Variants in ARB2A observed in about 807,000 individuals in gnomAD.
ARB2A encodes the protein ARB2 cotranscriptional regulator A, also known as cotranscriptional regulator ARB2A.
the ARB2A span, among the ~76,000 whole-genome samples, chr5:94,070,988 C>T: frequency 6.6e-6 from 1 of 151,988 alleles, no homozygotes; most frequent in Non-Finnish European, 1.5e-5. Flanking sequence ...TGTTCTAGTT[C>T]TTACAAAGTT....
the ARB2A span, among the ~76,000 whole-genome samples, chr5:93,895,104 G>A: frequency 2.6e-5 from 4 of 152,174 alleles, no homozygotes. Context: ...ACAAAGGGCT[G>A]CTGTATCAAA....
At chr5:93,951,396 C>G in the ARB2A span, among the ~76,000 whole-genome samples, 1 of 152,148 alleles carries the variant, frequency 6.6e-6, no homozygotes, top group African/African-American at 2.4e-5. Flanking sequence ...ATCAAGAAAT[C>G]TTTTCCCAGT....
the ARB2A span, chr5:93,620,127 T>C: frequency 6.6e-6 from 1 of 152,118 alleles, no homozygotes; most frequent in Non-Finnish European, 1.5e-5. Flanking sequence ...ACAGTACACA[T>C]TATGTGTTTA....
chr5:93,811,348 T>A, the ARB2A span, among the ~76,000 whole-genome samples: 1 of 152,196 alleles, frequency 6.6e-6, no homozygotes, highest in Non-Finnish European at 1.5e-5. Flanking sequence ...GGAGACTGTC[T>A]AATTTTACAT....
the ARB2A span, among the ~76,000 whole-genome samples, chr5:93,708,773 C>T: frequency 6.6e-6 from 1 of 152,164 alleles, no homozygotes; most frequent in African/African-American, 2.4e-5. Context: ...CAAGTCCTGT[C>T]TTCCATAAAC....
the ARB2A span, among the ~76,000 whole-genome samples, chr5:93,755,211 T>C: frequency 1.1e-4 from 17 of 152,158 alleles, no homozygotes; most frequent in African/African-American, 4.1e-4. Flanking sequence ...GAGGCAGATA[T>C]TTACTGTTGC....
At chr5:93,667,680 A>T in the ARB2A span, among the ~76,000 whole-genome samples, 1 of 152,066 alleles carries the variant, frequency 6.6e-6, no homozygotes, top group Non-Finnish European at 1.5e-5. Flanking sequence ...GCTGGTCTTG[A>T]ACTCTTGGCC....
At chr5:94,062,228 C>T in the ARB2A span, among the ~76,000 whole-genome samples, 1 of 149,360 alleles carries the variant, frequency 6.7e-6, no homozygotes, top group South Asian at 2.1e-4. Flanking sequence ...AAAAATGAAC[C>T]TCAACCTATA....
At chr5:93,669,154 G>GGTGTGGTTCT in the ARB2A span, among the ~76,000 whole-genome samples, 93 of 152,310 alleles carry the variant, frequency 6.1e-4, no homozygotes, top group Admixed American at 3.2e-3. Context: ...TACCACTGCT[G>GGTGTGGTTCT]TATTCCCCAC....
chr5:94,099,402 A>C, the ARB2A span, among the ~76,000 whole-genome samples: 2 of 151,972 alleles, frequency 1.3e-5, no homozygotes, highest in African/African-American at 4.8e-5. Flanking sequence ...AAGTGGGTGG[A>C]TCACGAGGTC....
the ARB2A span, among the ~76,000 whole-genome samples, chr5:93,904,536 C>A: frequency 6.6e-6 from 1 of 151,746 alleles, no homozygotes; most frequent in Admixed American, 6.6e-5. Context: ...AAAATCCTAT[C>A]TCTTTGTGTA....
the ARB2A span, among the ~76,000 whole-genome samples, chr5:93,788,673 G>C: frequency 4.6e-5 from 7 of 152,166 alleles, no homozygotes; most frequent in Non-Finnish European, 8.8e-5. Context: ...AAAACACAAA[G>C]ATTCCTTTAC....
chr5:93,926,203 C>G, the ARB2A span, among the ~76,000 whole-genome samples: 1 of 151,756 alleles, frequency 6.6e-6, no homozygotes, highest in Non-Finnish European at 1.5e-5. Context: ...GATCTCGGCT[C>G]ACCGCAACCT....
the ARB2A span, among the ~76,000 whole-genome samples, chr5:94,036,150 T>A: frequency 2.0e-5 from 3 of 152,236 alleles, no homozygotes; most frequent in African/African-American, 7.2e-5. Context: ...TTTCTTTTTC[T>A]CTGCTCAGTT....
At chr5:93,760,586 G>T in the ARB2A span, among the ~76,000 whole-genome samples, 54 of 152,142 alleles carry the variant, frequency 3.5e-4, no homozygotes, top group African/African-American at 1.3e-3. Context: ...AGAGAACACA[G>T]AAATAAATTC....
the ARB2A span, among the ~76,000 whole-genome samples, chr5:94,066,746 T>C: frequency 6.6e-6 from 1 of 152,284 alleles, no homozygotes; most frequent in African/African-American, 2.4e-5. Context: ...TACTGAATTC[T>C]ACCAAATGTC....
the ARB2A span, among the ~76,000 whole-genome samples, chr5:93,931,187 C>T: frequency 6.6e-6 from 1 of 152,034 alleles, no homozygotes; most frequent in African/African-American, 2.4e-5. Flanking sequence ...AAAACCCCAC[C>T]GGGCGCAGTG....
At chr5:93,907,809 CT>C in the ARB2A span, among the ~76,000 whole-genome samples, 1 of 151,214 alleles carries the variant, frequency 6.6e-6, no homozygotes, top group Non-Finnish European at 1.5e-5. Context: ...AAATGGAATG[CT>C]TAGGAAGACA....
At chr5:93,995,062 A>C in the ARB2A span, among the ~76,000 whole-genome samples, 1 of 152,238 alleles carries the variant, frequency 6.6e-6, no homozygotes, top group South Asian at 2.1e-4. Flanking sequence ...ACACAAATAC[A>C]GAATGTACAT....
Sources: allele counts gnomAD v4.1 joint callset (sites outside exome capture counted in the v4.1 genomes callset), GRCh38; gene constraint gnomAD v4.1.1; transcripts MANE v1.5; gene names NCBI Gene and HGNC (gene_info 2026-07-23, HGNC 2026-07-21).